PGM5: variants seen among roughly 807,000 people sequenced by gnomAD.
PGM5 encodes the protein phosphoglucomutase-like protein 5.
PGM5 carries 23 observed loss-of-function variants against 59.2 expected under a neutral mutation model. That is an observed-to-expected ratio of 0.39 (90% CI 0.28 to 0.55). The LOEUF (loss-of-function observed/expected upper bound fraction) is 0.55, where lower values mean the gene tolerates loss of function less well. Ranked by LOEUF, PGM5 falls within the 20% of genes least tolerant of loss-of-function variation. The probability of loss-of-function intolerance (pLI) is 0.66; values close to 1 mark genes in which losing one functional copy is unlikely to be tolerated. For synonymous variants in PGM5, 214 were observed against 286.0 expected (o/e 0.75, Z 2.54); for missense variants, 574 against 748.3 (o/e 0.77, Z 2.72).
intron 2 of PGM5, among the ~76,000 whole-genome samples, chr9:68,381,633 TACACATGCAC>T (rs1172992221): frequency 1.5e-5 from 2 of 130,026 alleles, no homozygotes; most frequent in African/African-American, 8.1e-5. Flanking sequence ...CTAAAGATTC[TACACATGCAC>T]ACACACACAC....
intron 6 of PGM5, among the ~76,000 whole-genome samples, chr9:68,462,810 C>T (rs1554685497): frequency 6.6e-6 from 1 of 152,142 alleles, no homozygotes; most frequent in African/African-American, 2.4e-5. Flanking sequence ...CCCCAGAAGG[C>T]TTCTGTGTGA....
chr9:68,470,875 G>T (rs1252557878), intron 7 of PGM5, among the ~76,000 whole-genome samples: 1 of 152,190 alleles, frequency 6.6e-6, no homozygotes, highest in Non-Finnish European at 1.5e-5. Flanking sequence ...TTCAATCTAG[G>T]CTGGGCCAGA....
intron 1 of PGM5, among the ~76,000 whole-genome samples, chr9:68,368,791 C>A (rs1264321945): frequency 6.6e-6 from 1 of 151,820 alleles, no homozygotes; most frequent in African/African-American, 2.4e-5. Context: ...TACAGGTGCA[C>A]GCCACCATGG....
chr9:68,516,794 TC>T (rs1157860883), intron 10 of PGM5, among the ~76,000 whole-genome samples: 5 of 152,304 alleles, frequency 3.3e-5, no homozygotes, highest in Non-Finnish European at 7.4e-5. Context: ...TCTAGTGTGC[TC>T]CTAGGAGGGC....
At chr9:68,526,342 T>C (rs1042614732) in intron 10 of PGM5, among the ~76,000 whole-genome samples, 1 of 152,206 alleles carries the variant, frequency 6.6e-6, no homozygotes, top group African/African-American at 2.4e-5. Flanking sequence ...GGAGTCCTCA[T>C]ATTTAGGAGT....
chr9:68,406,707 T>C (rs1822824336), intron 6 of PGM5, among the ~76,000 whole-genome samples: 2 of 90,102 alleles, frequency 2.2e-5, no homozygotes, highest in Admixed American at 2.2e-4. Context: ...TATATATATA[T>C]ATATATATAT....
chr9:68,487,463 T>TACACACACAC (rs67566624), intron 9 of PGM5, among the ~76,000 whole-genome samples: 3,284 of 141,832 alleles, frequency 0.023, 54 homozygotes, highest in African/African-American at 0.031. Flanking sequence ...CACACGCACA[T>TACACACACAC]ACACACACAC....
intron 6 of PGM5, among the ~76,000 whole-genome samples, chr9:68,407,111 A>T (rs191572082): frequency 1.4e-4 from 22 of 152,010 alleles, no homozygotes; most frequent in African/African-American, 4.3e-4. Flanking sequence ...TGAGCCTTTC[A>T]GTTAGTGACC....
chr9:68,377,529 T>C (rs1554677905), intron 1 of PGM5, among the ~76,000 whole-genome samples: 1 of 152,206 alleles, frequency 6.6e-6, no homozygotes, highest in Non-Finnish European at 1.5e-5. Flanking sequence ...TCTTCAGCGC[T>C]GTGTTGCTGA....
intron 10 of PGM5, among the ~76,000 whole-genome samples, chr9:68,518,228 G>A (rs1000011957): frequency 7.2e-5 from 11 of 152,204 alleles, no homozygotes; most frequent in Admixed American, 5.9e-4. Context: ...TATACAGACT[G>A]TACTCCAGAG....
At chr9:68,420,611 A>G (rs936155421) in intron 6 of PGM5, among the ~76,000 whole-genome samples, 6 of 152,200 alleles carry the variant, frequency 3.9e-5, no homozygotes, top group African/African-American at 1.4e-4. Flanking sequence ...TGAGAGGCTG[A>G]CTATTGCCAG....
intron 6 of PGM5, among the ~76,000 whole-genome samples, chr9:68,431,371 A>C (rs1887890): frequency 0.058 from 8,827 of 152,314 alleles, 355 homozygotes; most frequent in South Asian, 0.1. Context: ...GACAAAGAAG[A>C]GAAGCTGATC....
intron 6 of PGM5, among the ~76,000 whole-genome samples, chr9:68,412,797 A>G (rs1170956513): frequency 6.6e-6 from 1 of 152,244 alleles, no homozygotes; most frequent in Admixed American, 6.5e-5. Flanking sequence ...ACATTCTGGA[A>G]CACAGTATTC....
At position 68,438,181 on chromosome 9, in the gene PGM5, C is replaced by G. The variant is rs535087707; in HGVS notation, c.1044-26912C>G. Among the ~76,000 whole-genome samples, 1,070 of 148,384 alleles carry G rather than the reference C, an allele frequency of 7.2e-3. 8 individuals are homozygous for G. Among genetic ancestry groups the G allele is most frequent in the Non-Finnish European group, 0.012 (806 of 67,452 alleles). ...GCACACACCTGTAGTCCCAGCTACT[C>G]GGGAGGCTGAGGCAGGACAATCGCT... On this transcript the variant is annotated intron_variant, in intron 6 of 10. Transcript: ENST00000396396.
At chr9:68,390,058 A>C (rs1427867675) in intron 4 of PGM5, among the ~76,000 whole-genome samples, 1 of 151,942 alleles carries the variant, frequency 6.6e-6, no homozygotes, top group Admixed American at 6.6e-5. Flanking sequence ...CCTCATCTCA[A>C]ATACATTCCT....
At chr9:68,492,278 A>C (rs1393476442) in intron 9 of PGM5, among the ~76,000 whole-genome samples, 1 of 152,176 alleles carries the variant, frequency 6.6e-6, no homozygotes, top group African/African-American at 2.4e-5. Flanking sequence ...AGAAATGGGG[A>C]AATAGAAGGT....
At position 68,521,381 on chromosome 9, in the gene PGM5, G is replaced by A. The variant is rs73447659; in HGVS notation, c.1615-8186G>A. The stretch of plus-strand genomic sequence containing the variant: ...ACTGAGAACACTGATCGTGGCTTCC[G>A]AAGTCTTTTGGAGAAGAAAGGGAGG... On this transcript the variant is annotated intron_variant, in intron 10 of 10. Transcript: ENST00000396396. 2.8e-3 allele frequency among the ~76,000 whole-genome samples: 431 copies of A among 152,324 alleles called. 2 individuals carry two copies. The highest frequency in any genetic ancestry group is 9.9e-3 in the African/African-American group (413 of 41,578).
At chr9:68,362,607 T>G (rs1381558436) in intron 1 of PGM5, among the ~76,000 whole-genome samples, 1 of 152,126 alleles carries the variant, frequency 6.6e-6, no homozygotes, top group Non-Finnish European at 1.5e-5. Flanking sequence ...TTCTTTCTAC[T>G]TTTATCTGCT....
intron 6 of PGM5, chr9:68,400,784 G>A (rs1367755424): frequency 5.9e-5 from 9 of 152,388 alleles, no homozygotes; most frequent in Non-Finnish European, 1.0e-4. Context: ...GGGTACTGAC[G>A]CTCTTAGCAA....
Sources: gnomAD v4.1 joint callset for allele counts (sites outside exome capture counted in the v4.1 genomes callset) on GRCh38, gnomAD v4.1.1 for gene constraint, MANE v1.5 for transcripts, NCBI Gene and HGNC (gene_info 2026-07-23, HGNC 2026-07-21) for gene names.